MAB21L1: variants seen among roughly 807,000 people sequenced by gnomAD.
MAB21L1 encodes putative nucleotidyltransferase MAB21L1.
MAB21L1 carries 8 observed loss-of-function variants against 28.9 expected under a neutral mutation model. That is an observed-to-expected ratio of 0.28 (90% confidence interval 0.16 to 0.50). MAB21L1 has a LOEUF of 0.50. Among genes scored for constraint, MAB21L1 ranks in the 20% least tolerant of loss-of-function variants. MAB21L1 has a pLI of 0.98. For missense variants in MAB21L1, 388 were observed against 466.5 expected (o/e 0.83, Z 1.55); for synonymous variants, 219 against 198.2 (o/e 1.10, Z -0.88).
rs1238058049 is a variant in MAB21L1, at chr13:35,475,187, G to C, written c.952C>G (p.His318Asp). 2 of 1,613,918 alleles carry C rather than the reference G, an allele frequency of 1.2e-6. No homozygotes were observed. The highest frequency in any genetic ancestry group is 1.7e-6 in the Non-Finnish European group (2 of 1,180,020). The change falls in exon 1 of 1, where the codon CAC becomes GAC. Residue 318 changes from histidine (H) to aspartate (D), a missense_variant. Transcript: ENST00000379919. ...ISCLQCRRCP[H>D]YFLPNLDLFQ... Reference sequence around the variant, plus strand: ...AGATCTAAGTTCGGTAGAAAGTAGTGGGGACACCGCCGGCACTGCAGGCAG... The same window carrying C: ...AGATCTAAGTTCGGTAGAAAGTAGTCGGGACACCGCCGGCACTGCAGGCAG...
chr13:35,476,419 G>C lies in MAB21L1; in HGVS notation c.-281C>G, dbSNP rs2152962082. ...AGTGAAAGACTGTCCTCCCCCCTCT[G>C]CTTGTCTCTCTTCCTCTTTTAAAGA... On this transcript the variant is annotated 5_prime_UTR_variant, in exon 1 of 1. Transcript: ENST00000379919. The C allele has an allele frequency of 1.0e-6, 1 of 967,266 alleles. No homozygotes were observed. 59.9% of individuals were successfully genotyped at this position (967,266 alleles called of 1,614,324 possible).
In MAB21L1 at chr13:35,473,970, T is replaced by C. The variant is rs541093598; in HGVS notation, c.*1089A>G. ...TACAAGAAGAGCAAGCTTTCAAAGG[T>C]AGATTTAAATTGTTTCTGTTGTAGA... is the stretch of plus-strand genomic sequence containing the variant. On this transcript the variant is annotated 3_prime_UTR_variant, in exon 1 of 1. Transcript: ENST00000379919. 5.3e-5 allele frequency among the ~76,000 whole-genome samples: 8 copies of C among 152,300 alleles called. No individual in the cohort carries two copies. The South Asian group carries it at 1.4e-3, about 28-fold the overall frequency.
Position 35,475,114 on chromosome 13 carries a change from G to T in MAB21L1, c.1025C>A (p.Thr342Lys), listed in dbSNP as rs757612136. Reference protein sequence around the residue: ...HSALENAAKQTWRLAREILTN... With the variant: ...HSALENAAKQKWRLAREILTN... ...CAGGATCTCTCTTGCCAGTCGCCACGTTTGTTTGGCAGCGTTTTCCAGAGC... is the reference window on the plus strand; with the variant it reads ...CAGGATCTCTCTTGCCAGTCGCCACTTTTGTTTGGCAGCGTTTTCCAGAGC... The change falls in exon 1 of 1, where the codon ACG becomes AAG. Residue 342 changes from threonine (T) to lysine (K), a missense_variant. Around this residue, in one of 3 missense-constraint regions of MAB21L1, gnomAD observed 218 missense variants for 220.6 expected, o/e 0.99. Transcript: ENST00000379919. 5.0e-6 allele frequency: 8 copies of T among 1,613,974 alleles called. No individual in the cohort carries two copies. The highest frequency in any genetic ancestry group is 6.8e-6 in the Non-Finnish European group (8 of 1,180,030).
At position 35,476,299 on chromosome 13, in the gene MAB21L1, G is replaced by C. The variant is rs2075864441; in HGVS notation, c.-161C>G. The C allele has an allele frequency of 3.8e-6, 1 of 266,602 alleles. No homozygotes were observed. The highest frequency in any genetic ancestry group is 7.1e-5 in the South Asian group (1 of 14,056). The allele number at this position is 266,602 out of a possible 1,614,324, so 16.5% of individuals were successfully genotyped here. A position where few individuals can be genotyped will look rare whatever the true frequency, so the allele number is the denominator to read the frequency against. On this transcript the variant is annotated 5_prime_UTR_variant, in exon 1 of 1. Coordinates refer to ENST00000379919, the MANE Select transcript of MAB21L1 (RefSeq NM_005584.5). ...GAAGTGCTGCAGCGTTGGTTTCCCTGCTGCTGCTGCTGCTGCTGCTGCTGC... is the reference window on the plus strand; with the variant it reads ...GAAGTGCTGCAGCGTTGGTTTCCCTCCTGCTGCTGCTGCTGCTGCTGCTGC...
In MAB21L1 at chr13:35,475,678, T is replaced by A. The variant is rs2075833469; in HGVS notation, c.461A>T (p.Asp154Val). 2 of 1,613,772 alleles carry A rather than the reference T, an allele frequency of 1.2e-6. No homozygotes were observed. Among genetic ancestry groups the A allele is most frequent in the Non-Finnish European group, 1.7e-6 (2 of 1,179,968 alleles). Residue 154 changes from aspartate to valine, a missense_variant, in exon 1 of 1, where the codon GAC (aspartate) becomes GTC (valine). Asp to Val is a radical substitution (Grantham distance 152). Coordinates refer to ENST00000379919, the MANE Select transcript of MAB21L1 (RefSeq NM_005584.5). ...SYRDVVKMVA[D>V]TSEVKLRIRD... ...GATTCTCAGTTTCACTTCGCTGGTG[T>A]CTGCCACCATCTTTACCACATCCCG...
rs1267720232 is a variant in MAB21L1 at position 35,475,689 on chromosome 13, C to T, written c.450G>A (p.Lys150=). 1 of 1,613,760 alleles carries T rather than the reference C, an allele frequency of 6.2e-7. No individual in the cohort carries two copies. The highest frequency in any genetic ancestry group is 2.2e-5 in the East Asian group (1 of 44,816). ...VDKCSYRDVV[K]MVADTSEVKL... The stretch of plus-strand genomic sequence containing the variant: ...TCACTTCGCTGGTGTCTGCCACCAT[C>T]TTTACCACATCCCGGTAGCTACATT... The change falls in exon 1 of 1, where the codon AAG becomes AAA. Residue 150 remains lysine, a synonymous_variant. Coordinates refer to ENST00000379919, the MANE Select transcript of MAB21L1 (RefSeq NM_005584.5).
In MAB21L1 at chr13:35,474,184, T is replaced by A. The variant is rs2075767466; in HGVS notation, c.*875A>T. On this transcript the variant is annotated 3_prime_UTR_variant, in exon 1 of 1. Coordinates refer to ENST00000379919, the MANE Select transcript of MAB21L1 (RefSeq NM_005584.5). The stretch of plus-strand genomic sequence containing the variant: ...TTACATCTTGTGATAGGAAACAATT[T>A]AAAGTGAGACACAACAACTTTTATT... 1 of 152,602 alleles carries A rather than the reference T, an allele frequency of 6.6e-6. No homozygotes were observed. 9.5% of individuals were successfully genotyped at this position (152,602 alleles called of 1,614,324 possible). A position where few individuals can be genotyped will look rare whatever the true frequency, so the allele number is the denominator to read the frequency against.
Position 35,476,482 on chromosome 13 carries a change from C to T in MAB21L1, c.-344G>A. On this transcript the variant is annotated 5_prime_UTR_variant, in exon 1 of 1. Coordinates refer to ENST00000379919, the MANE Select transcript of MAB21L1 (RefSeq NM_005584.5). ...GAGAACCGCATGGAGAGATCACCTT[C>T]TCAGGAATAAAAAACAAAAGTTGCG... The T allele has an allele frequency of 1.3e-6, 1 of 749,344 alleles. No homozygotes were observed. Among genetic ancestry groups the T allele is most frequent in the South Asian group, 1.7e-5 (1 of 58,716 alleles). The allele number at this position is 749,344 out of a possible 1,614,324, so 46.4% of individuals were successfully genotyped here.
rs770768976 is a variant in MAB21L1 at position 35,475,239 on chromosome 13, C to T, written c.900G>A (p.Leu300=). 2 of 1,613,978 alleles carry T rather than the reference C, an allele frequency of 1.2e-6. No homozygotes were observed. The highest frequency in any genetic ancestry group is 1.7e-6 in the Non-Finnish European group (2 of 1,180,014). Residue 300 remains leucine (L), a synonymous_variant, in exon 1 of 1, where the codon CTG becomes CTA. Coordinates refer to ENST00000379919, the MANE Select transcript of MAB21L1 (RefSeq NM_005584.5). ...AGATAAGTTGCAGCAAAATCCCGTT[C>T]AGCCGATCACCCAGGCAAGACTCGT... The part of the protein sequence containing the change: ...DWDESCLGDR[L]NGILLQLISC...
chr13:35,476,576 C>G lies in MAB21L1; in HGVS notation c.-438G>C, dbSNP rs2075883744. The G allele has an allele frequency of 5.3e-6, 3 of 561,630 alleles. No homozygotes were observed. Among genetic ancestry groups the G allele is most frequent in the African/African-American group, 1.9e-5 (1 of 52,752 alleles). The allele number at this position is 561,630 out of a possible 1,614,324, so 34.8% of individuals were successfully genotyped here. On this transcript the variant is annotated 5_prime_UTR_variant, in exon 1 of 1. Transcript: ENST00000379919. ...CTTTCCGTATTTATTTGCGCTTTCCCGTAATCATTGTGTGTGCAGCACTGT... is the reference window on the plus strand; with the variant it reads ...CTTTCCGTATTTATTTGCGCTTTCCGGTAATCATTGTGTGTGCAGCACTGT...
In MAB21L1 at chr13:35,474,509, T is replaced by TA. The variant is rs2075781189; in HGVS notation, c.*549dup. On this transcript the variant is annotated 3_prime_UTR_variant, in exon 1 of 1. Transcript: ENST00000379919. The stretch of plus-strand genomic sequence containing the variant: ...CAGGAAGAAATCTACCTTTAAATGA[T>TA]ATCTTTGTTAGTGGAAAATGTCTGG... The TA allele has an allele frequency of 6.5e-6, 1 of 152,824 alleles. No homozygotes were observed. The highest frequency in any genetic ancestry group is 1.5e-5 in the Non-Finnish European group (1 of 68,120). 9.5% of individuals were successfully genotyped at this position (152,824 alleles called of 1,614,324 possible). A position where few individuals can be genotyped will look rare whatever the true frequency, so the allele number is the denominator to read the frequency against.
chr13:35,476,213 G>T lies in MAB21L1; in HGVS notation c.-75C>A. 6.2e-7 allele frequency: 1 copy of T among 1,607,138 alleles called. No individual in the cohort carries two copies. Among genetic ancestry groups the T allele is most frequent in the Non-Finnish European group, 8.5e-7 (1 of 1,174,460 alleles). ...GGATCCAATGCGGCTGCTAGAGCTGGAGCCAACTTCGGTGGAGAAACGGGC... is the reference window on the plus strand; with the variant it reads ...GGATCCAATGCGGCTGCTAGAGCTGTAGCCAACTTCGGTGGAGAAACGGGC... On this transcript the variant is annotated 5_prime_UTR_variant, in exon 1 of 1. Coordinates refer to ENST00000379919, the MANE Select transcript of MAB21L1 (RefSeq NM_005584.5).
Position 35,474,907 on chromosome 13 carries a change from G to T in MAB21L1, c.*152C>A. 1.0e-6 allele frequency: 1 copy of T among 965,656 alleles called. No individual in the cohort carries two copies. Among genetic ancestry groups the T allele is most frequent in the Non-Finnish European group, 1.5e-6 (1 of 659,690 alleles). The allele number at this position is 965,656 out of a possible 1,614,324, so 59.8% of individuals were successfully genotyped here. ...ACTTTTTCTCCCCTTGTGGGGGTGGGTGAGATGATGTTTAAATATTGTATT... is the reference window on the plus strand; with the variant it reads ...ACTTTTTCTCCCCTTGTGGGGGTGGTTGAGATGATGTTTAAATATTGTATT... On this transcript the variant is annotated 3_prime_UTR_variant, in exon 1 of 1. Coordinates refer to ENST00000379919, the MANE Select transcript of MAB21L1 (RefSeq NM_005584.5).
chr13:35,476,484 C>T lies in MAB21L1; in HGVS notation c.-346G>A. Reference sequence around the variant, plus strand: ...GAACCGCATGGAGAGATCACCTTCTCAGGAATAAAAAACAAAAGTTGCGCT... The same window carrying T: ...GAACCGCATGGAGAGATCACCTTCTTAGGAATAAAAAACAAAAGTTGCGCT... On this transcript the variant is annotated 5_prime_UTR_variant, in exon 1 of 1. Coordinates refer to ENST00000379919, the MANE Select transcript of MAB21L1 (RefSeq NM_005584.5). 1 of 746,354 alleles carries T rather than the reference C, an allele frequency of 1.3e-6. No individual in the cohort carries two copies. Among genetic ancestry groups the T allele is most frequent in the East Asian group, 2.7e-5 (1 of 37,000 alleles). 46.2% of individuals were successfully genotyped at this position (746,354 alleles called of 1,614,324 possible). A position where few individuals can be genotyped will look rare whatever the true frequency, so the allele number is the denominator to read the frequency against.
In MAB21L1 at chr13:35,476,464, G is replaced by A. The variant is rs1165546917; in HGVS notation, c.-326C>T. The A allele has an allele frequency of 2.5e-6, 2 of 808,238 alleles. No individual in the cohort carries two copies. The highest frequency in any genetic ancestry group is 4.1e-6 in the Non-Finnish European group (2 of 485,358). 50.1% of individuals were successfully genotyped at this position (808,238 alleles called of 1,614,324 possible). The stretch of plus-strand genomic sequence containing the variant: ...TAAAGAATCCTTGTGTGAGAGAACC[G>A]CATGGAGAGATCACCTTCTCAGGAA... On this transcript the variant is annotated 5_prime_UTR_variant, in exon 1 of 1. Coordinates refer to ENST00000379919, the MANE Select transcript of MAB21L1 (RefSeq NM_005584.5).
Position 35,475,794 on chromosome 13 carries a change from T to C in MAB21L1, c.345A>G (p.Glu115=), listed in dbSNP as rs1230400855. ...GRKRSMSLWV[E]FITASGYLSA... The stretch of plus-strand genomic sequence containing the variant: ...AGAGGTAGCCGGAGGCGGTAATGAA[T>C]TCCACCCAGAGGGACATGCTCCTCT... Residue 115 remains glutamate, a synonymous_variant, in exon 1 of 1, where the codon GAA becomes GAG. Transcript: ENST00000379919. The C allele has an allele frequency of 6.2e-7, 1 of 1,613,888 alleles. No homozygotes were observed. The highest frequency in any genetic ancestry group is 8.5e-7 in the Non-Finnish European group (1 of 1,179,970).
At position 35,473,883 on chromosome 13, in the gene MAB21L1, A is replaced by G. The variant is rs1173880878; in HGVS notation, c.*1176T>C. Among the ~76,000 whole-genome samples, 1 of 152,132 alleles carries G rather than the reference A, an allele frequency of 6.6e-6. No individual in the cohort carries two copies. Among genetic ancestry groups the G allele is most frequent in the Non-Finnish European group, 1.5e-5 (1 of 68,012 alleles). ...AGTTCATTTCCTCTGAATTAGTCAG[A>G]TTTTTAACTCAGTCATCTCTACTGT... On this transcript the variant is annotated 3_prime_UTR_variant, in exon 1 of 1. Coordinates refer to ENST00000379919, the MANE Select transcript of MAB21L1 (RefSeq NM_005584.5).
chr13:35,475,445 G>T lies in MAB21L1; in HGVS notation c.694C>A (p.Leu232Met). The T allele has an allele frequency of 6.2e-7, 1 of 1,613,258 alleles. No homozygotes were observed. Among genetic ancestry groups the T allele is most frequent in the Non-Finnish European group, 8.5e-7 (1 of 1,179,918 alleles). Residue 232 changes from leucine to methionine, a missense_variant, in exon 1 of 1, where the codon CTG (leucine) becomes ATG (methionine). Leu to Met is a conservative substitution (Grantham distance 15). This residue lies in a region of MAB21L1 where 218 missense variants were observed against 220.6 expected (regional missense o/e 0.99). Coordinates refer to ENST00000379919, the MANE Select transcript of MAB21L1 (RefSeq NM_005584.5). The stretch of plus-strand genomic sequence containing the variant: ...CTGTTCTCTGCCTCCGCGAACTGCA[G>T]CACCCAGGCGTCGCTCTCCGCCGAG... The part of the protein sequence containing the change: ...QSSAESDAWV[L>M]QFAEAENRLQ...
At position 35,474,968 on chromosome 13, in the gene MAB21L1, G is replaced by A. The variant is rs2075796966; in HGVS notation, c.*91C>T. ...TTTAAAGGAAGAGATTGTTTGCACT[G>A]CGGAGTGGAATATTAGGAATTGAAC... On this transcript the variant is annotated 3_prime_UTR_variant, in exon 1 of 1. Transcript: ENST00000379919. 2 of 1,341,758 alleles carry A rather than the reference G, an allele frequency of 1.5e-6. No homozygotes were observed. Among genetic ancestry groups the A allele is most frequent in the African/African-American group, 1.5e-5 (1 of 68,274 alleles). 83.1% of individuals were successfully genotyped at this position (1,341,758 alleles called of 1,614,324 possible).
Sources: allele counts gnomAD v4.1 joint callset (sites outside exome capture counted in the v4.1 genomes callset), GRCh38; gene constraint gnomAD v4.1.1; regional missense constraint gnomAD v4.1.1; transcripts MANE v1.5; gene names NCBI Gene and HGNC (gene_info 2026-07-23, HGNC 2026-07-21).